Variants in ESYT2 observed in about 807,000 individuals in gnomAD.
ESYT2 encodes extended synaptotagmin-2.
Under a neutral mutation model 107.2 loss-of-function variants are expected in ESYT2, and 54 were observed. That is an observed-to-expected ratio of 0.50 (90% CI 0.40 to 0.63). The LOEUF (loss-of-function observed/expected upper bound fraction) is 0.63. Among genes scored for constraint, ESYT2 ranks in the 30% least tolerant of loss-of-function variants. The pLI is 0.00. For missense variants in ESYT2, 1,020 were observed against 1,094.5 expected, an observed-to-expected ratio of 0.93 and a Z score of 0.96; for synonymous variants, 491 against 434.1, an observed-to-expected ratio of 1.13 and a Z score of -1.63.
rs761321702 is a variant in ESYT2, at chr7:158,747,849, A to G, written c.1644+345T>C. 8.5e-5 allele frequency among the ~76,000 whole-genome samples: 13 copies of G among 152,362 alleles called. No homozygotes were observed. The South Asian group carries it at 2.3e-3, about 27-fold the overall frequency. On this transcript the variant is annotated intron_variant, in intron 16 of 22. Transcript: ENST00000275418. ...TGGATGAGCAAATTGTGGTATATCC[A>G]TAACTACTACTCAACAATAAAAAAA...
chr7:158,784,548 T>G (rs1839041877), intron 6 of ESYT2, among the ~76,000 whole-genome samples: 1 of 152,238 alleles, frequency 6.6e-6, no homozygotes, highest in South Asian at 2.1e-4. Context: ...CAGATGAAGC[T>G]AGTCTCAGAG....
At chr7:158,811,837 C>T (rs1005951548) in intron 1 of ESYT2, among the ~76,000 whole-genome samples, 1 of 152,118 alleles carries the variant, frequency 6.6e-6, no homozygotes, top group African/African-American at 2.4e-5. Context: ...ATCTGAGGGG[C>T]CAAGATCCCT....
intron 4 of ESYT2, among the ~76,000 whole-genome samples, chr7:158,790,065 G>A (rs967695563): frequency 4.3e-5 from 6 of 139,382 alleles, no homozygotes; most frequent in African/African-American, 1.7e-4. Flanking sequence ...CCTGGGGGCG[G>A]AGCGTCCTCC....
chr7:158,781,696 C>CA lies in ESYT2; in HGVS notation c.747+6307dup, dbSNP rs1333757592. Among the ~76,000 whole-genome samples, 5 of 146,200 alleles carry CA rather than the reference C, an allele frequency of 3.4e-5. No homozygotes were observed. In the Admixed American group the frequency reaches 3.4e-4, roughly 10 times the overall value. On this transcript the variant is annotated intron_variant, in intron 6 of 22. Transcript: ENST00000275418. ...GAGTGAACGACTGAGAACAAAGTGT[C>CA]AGAGGTGGGAGTGTAAGAACGAGAA... is the stretch of plus-strand genomic sequence containing the variant.
In ESYT2 at chr7:158,764,779, C is replaced by G; in HGVS notation, c.999G>C (p.Lys333Asn). The G allele has an allele frequency of 1.2e-6, 2 of 1,614,186 alleles. No individual in the cohort carries two copies. Among genetic ancestry groups the G allele is most frequent in the Non-Finnish European group, 1.7e-6 (2 of 1,180,022 alleles). ...TGATTCCATAGGGGTCTGACTTTCCCTTGACAAGTCCCTTAAGGTAAGTGT... is the reference window on the plus strand; with the variant it reads ...TGATTCCATAGGGGTCTGACTTTCCGTTGACAAGTCCCTTAAGGTAAGTGT... ...GKDTYLKGLVKGKSDPYGIIR... is the reference protein window; with the variant it reads ...GKDTYLKGLVNGKSDPYGIIR... The change falls in exon 9 of 23, where the codon AAG becomes AAC. Residue 333 changes from lysine (K) to asparagine (N), a missense_variant. Transcript: ENST00000275418.
intron 14 of ESYT2, among the ~76,000 whole-genome samples, chr7:158,751,034 GT>G (rs1326233930): frequency 6.6e-6 from 1 of 152,194 alleles, no homozygotes; most frequent in Non-Finnish European, 1.5e-5. Context: ...GTGGTCACCT[GT>G]TCCTAGAAAT....
intron 3 of ESYT2, among the ~76,000 whole-genome samples, chr7:158,797,038 A>C (rs184535166): frequency 3.5e-4 from 1 of 2,826 alleles, no homozygotes; most frequent in Non-Finnish European, 1.6e-3. Context: ...AGAGGGCAGC[A>C]GGACAGCCTC....
At chr7:158,776,645 G>A (rs183498718) in intron 6 of ESYT2, among the ~76,000 whole-genome samples, 1 of 152,326 alleles carries the variant, frequency 6.6e-6, no homozygotes, top group African/African-American at 2.4e-5. Flanking sequence ...TGTCTGGGCT[G>A]ATCATCTCTC....
chr7:158,738,131 T>C (rs1464505698), intron 19 of ESYT2, among the ~76,000 whole-genome samples: 1 of 151,868 alleles, frequency 6.6e-6, no homozygotes, highest in African/African-American at 2.4e-5. Context: ...CTGGCCAACA[T>C]GGTGAAACCC....
chr7:158,734,008 T>C lies in ESYT2; in HGVS notation c.*199A>G. 4.8e-6 allele frequency: 3 copies of C among 621,652 alleles called. No individual in the cohort carries two copies. The highest frequency in any genetic ancestry group is 2.0e-5 in the South Asian group (1 of 50,074). The allele number at this position is 621,652 out of a possible 1,614,324, so 38.5% of individuals were successfully genotyped here. A position where few individuals can be genotyped will look rare whatever the true frequency, so the allele number is the denominator to read the frequency against. ...CACGTTGTAGGAACTGGCGAAATCCTAGAGGAAATCCAACACAGAAAATTC... is the reference window on the plus strand; with the variant it reads ...CACGTTGTAGGAACTGGCGAAATCCCAGAGGAAATCCAACACAGAAAATTC... On this transcript the variant is annotated 3_prime_UTR_variant, in exon 23 of 23. Coordinates refer to ENST00000275418, the MANE Select transcript of ESYT2 (RefSeq NM_001367773.1).
Position 158,742,259 on chromosome 7 carries a change from C to T in ESYT2, c.1795-363G>A, listed in dbSNP as rs953407677. On this transcript the variant is annotated intron_variant, in intron 17 of 22. Transcript: ENST00000275418. The stretch of plus-strand genomic sequence containing the variant: ...TCAGGCTCTGGTGGCAGCAACAGGG[C>T]GGTGGCAGTGATAAGCCTGGTGTGG... Among the ~76,000 whole-genome samples the T allele has an allele frequency of 2.6e-5, 4 of 152,128 alleles. No homozygotes were observed. In the East Asian group the frequency reaches 5.8e-4, roughly 22 times the overall value.
intron 16 of ESYT2, chr7:158,744,108 T>G (rs901494304): frequency 2.5e-5 from 4 of 158,034 alleles, no homozygotes; most frequent in Non-Finnish European, 5.5e-5. Context: ...CAGACAATAT[T>G]AGTCTGTAAG....
At position 158,797,945 on chromosome 7, in the gene ESYT2, C is replaced by T. The variant is rs1839517257; in HGVS notation, c.504G>A (p.Gln168=). The T allele has an allele frequency of 6.2e-7, 1 of 1,613,872 alleles. No homozygotes were observed. The highest frequency in any genetic ancestry group is 1.3e-5 in the African/African-American group (1 of 75,000). ...GGATACTTAAGAGAACACTGACCTG[C>T]TGGCCCACGTCGACCTTCGTGAAAC... ...TFSFTKVDVG[Q]QPLRINGVKV... The change falls in exon 3 of 23, where the codon CAG becomes CAA. Residue 168 remains glutamine (Q), a synonymous_variant. Coordinates refer to ENST00000275418, the MANE Select transcript of ESYT2 (RefSeq NM_001367773.1).
chr7:158,741,607 T>C lies in ESYT2; in HGVS notation c.2084A>G (p.Lys695Arg). ...LLASPGHISV[K>R]EPTPSIASDI... Reference sequence around the variant, plus strand: ...CGAGGCGATGCTGGGGGTCGGCTCCTTGACTGAGATGTGGCCTGGGGAGGC... The same window carrying C: ...CGAGGCGATGCTGGGGGTCGGCTCCCTGACTGAGATGTGGCCTGGGGAGGC... Residue 695 changes from lysine to arginine, a missense_variant, in exon 18 of 23, where the codon AAG becomes AGG. By Grantham distance (26) the Lys-to-Arg change is conservative. Transcript: ENST00000275418. 3.1e-6 allele frequency: 5 copies of C among 1,612,758 alleles called. 1 individual carries two copies. In the Middle Eastern group the frequency reaches 5.0e-4, roughly 160 times the overall value.
intron 15 of ESYT2, 86 bp downstream of exon 15, chr7:158,749,563 G>A: frequency 7.8e-7 from 1 of 1,274,688 alleles, no homozygotes; most frequent in East Asian, 2.4e-5. Context: ...GAATGTATTT[G>A]CAACCCGGCA....
At chr7:158,825,946 A>G (rs1477045335) in intron 1 of ESYT2, among the ~76,000 whole-genome samples, 1 of 151,836 alleles carries the variant, frequency 6.6e-6, no homozygotes, top group Non-Finnish European at 1.5e-5. Context: ...ACACTTTAGG[A>G]AGTCTAAGTG....
intron 1 of ESYT2, among the ~76,000 whole-genome samples, chr7:158,801,055 A>C (rs1007733602): frequency 3.3e-5 from 5 of 151,808 alleles, no homozygotes; most frequent in African/African-American, 1.2e-4. Flanking sequence ...GCACGGGAGG[A>C]GGCGGCACCC....
chr7:158,828,747 C>T (rs1032767009), intron 1 of ESYT2, among the ~76,000 whole-genome samples: 12 of 152,168 alleles, frequency 7.9e-5, no homozygotes, highest in African/African-American at 2.9e-4. Flanking sequence ...AGGGAGTGGG[C>T]CGGAGGCCGG....
At chr7:158,814,489 A>G (rs1312397925) in intron 1 of ESYT2, among the ~76,000 whole-genome samples, 1 of 152,096 alleles carries the variant, frequency 6.6e-6, no homozygotes, top group Non-Finnish European at 1.5e-5. Flanking sequence ...TCACAGATCT[A>G]AAACATTTAA....
Sources: gnomAD v4.1 joint callset for allele counts (sites outside exome capture counted in the v4.1 genomes callset) on GRCh38, gnomAD v4.1.1 for gene constraint, MANE v1.5 for transcripts, NCBI Gene and HGNC (gene_info 2026-07-23, HGNC 2026-07-21) for gene names.